Variants in CELSR3 observed in about 807,000 individuals in gnomAD.
CELSR3 encodes the protein cadherin EGF LAG seven-pass G-type receptor 3, also known as EGF-like protein 1.
A neutral mutation model predicts 270.0 loss-of-function variants in CELSR3; 73 were observed. That is an observed-to-expected ratio of 0.27 (90% CI 0.22 to 0.33). CELSR3 has a LOEUF of 0.33. Among genes scored for constraint, CELSR3 ranks in the 10% least tolerant of loss-of-function variants. CELSR3 has a pLI of 1.00. For missense variants in CELSR3, 3,614 were observed against 4,533.8 expected (o/e 0.80, Z 5.83); for synonymous variants, 1,780 against 1,905.4 (o/e 0.93, Z 1.71).
rs777269607 is a variant in CELSR3, at chr3:48,660,976, C to G, written c.1659G>C (p.Gln553His). The change falls in exon 1 of 35, where the codon CAG becomes CAC. Residue 553 changes from glutamine (Q) to histidine (H), a missense_variant. Physicochemically the swap from Gln to His is conservative, Grantham distance 24. Coordinates refer to ENST00000164024, the MANE Select transcript of CELSR3 (RefSeq NM_001407.3). This position sits in a 1 kb window ranked among gnomAD's most constrained non-coding sequence, Gnocchi z 5.5. ...TGTGGGGGCGCACATCCTCGCGCAC[C>G]TGCGCCACGTAGCGCTTCTCGCTGA... Reference protein sequence around the residue: ...PQFSEKRYVAQVREDVRPHTV... With the variant: ...PQFSEKRYVAHVREDVRPHTV... 3 of 1,613,914 alleles carry G rather than the reference C, an allele frequency of 1.9e-6. No homozygotes were observed. The highest frequency in any genetic ancestry group is 2.5e-6 in the Non-Finnish European group (3 of 1,180,040).
In CELSR3 at chr3:48,653,049, G is replaced by A. The variant is rs142348413; in HGVS notation, c.5587C>T (p.Arg1863Trp). 819 of 1,612,992 alleles carry A rather than the reference G, an allele frequency of 5.1e-4. 2 individuals are homozygous for A. Among genetic ancestry groups the A allele is most frequent in the Non-Finnish European group, 6.8e-4 (801 of 1,179,976 alleles). ...LELQEEPGGR[R>W]GHHVLMVSLD... is the part of the protein sequence containing the mutation. ...GAGACCATAAGGACATGGTGGCCCC[G>A]CCGGCCACCTGGTTCCTCCTGCAAC... Residue 1863 changes from arginine to tryptophan, a missense_variant, in exon 10 of 35, where the codon CGG becomes TGG. This residue lies in a region of CELSR3 where 1,331 missense variants were observed against 1,933.7 expected (regional missense o/e 0.69). Transcript: ENST00000164024. This position sits in a 1 kb window ranked among gnomAD's most constrained non-coding sequence, Gnocchi z 6.5.
In CELSR3 at chr3:48,660,233, C is replaced by T. The variant is rs1212788486; in HGVS notation, c.2402G>A (p.Arg801His). Reference sequence around the variant, plus strand: ...ACCCCCCTGGGTGCTGATGGCAAAGCGATTCCGGGTGTTGCCGCCTGTGAT... The same window carrying T: ...ACCCCCCTGGGTGCTGATGGCAAAGTGATTCCGGGTGTTGCCGCCTGTGAT... ...YQITGGNTRN[R>H]FAISTQGGVG... Residue 801 changes from arginine (R) to histidine (H), a missense_variant, in exon 1 of 35, where the codon CGC becomes CAC. Transcript: ENST00000164024. This position sits in a 1 kb window ranked among gnomAD's most constrained non-coding sequence, Gnocchi z 5.5. 5 of 1,613,998 alleles carry T rather than the reference C, an allele frequency of 3.1e-6. No homozygotes were observed. Among genetic ancestry groups the T allele is most frequent in the East Asian group, 2.2e-5 (1 of 44,898 alleles).
chr3:48,649,052 G>A (rs1156975811), intron 17 of CELSR3, 69 bp downstream of exon 17: 1 of 1,541,628 alleles, frequency 6.5e-7, no homozygotes, highest in African/African-American at 1.4e-5. Flanking sequence ...GGGCTAGGGT[G>A]TGGTATCTGG....
rs1238533675 is a variant in CELSR3, at chr3:48,646,169, G to A, written c.7384C>T (p.Pro2462Ser). ...RNFLRGILES[P>S]ISLEFRLLQT... The stretch of plus-strand genomic sequence containing the variant: ...AGCAGGCGAAACTCTAGGCTGATGG[G>A]GGACTCCAGGATTCCCCTTAGGAAG... The change falls in exon 22 of 35, where the codon CCC becomes TCC. Residue 2462 changes from proline to serine, a missense_variant. By Grantham distance (74) the Pro-to-Ser change is moderately conservative. Around this residue, in one of 7 missense-constraint regions of CELSR3, gnomAD observed 1,240 missense variants for 1,351.7 expected, o/e 0.92. Coordinates refer to ENST00000164024, the MANE Select transcript of CELSR3 (RefSeq NM_001407.3). The surrounding 1 kb of genome is among the most constrained non-coding windows in gnomAD (Gnocchi z 4.8). 3 of 1,612,696 alleles carry A rather than the reference G, an allele frequency of 1.9e-6. No individual in the cohort carries two copies. In the African/African-American group the frequency reaches 4.0e-5, roughly 22 times the overall value.
In CELSR3 at chr3:48,656,979, G is replaced by A. The variant is rs765601194; in HGVS notation, c.4118C>T (p.Pro1373Leu). The change falls in exon 2 of 35, where the codon CCC becomes CTC. Residue 1373 changes from proline (P) to leucine (L), a missense_variant. Coordinates refer to ENST00000164024, the MANE Select transcript of CELSR3 (RefSeq NM_001407.3). ...TCGCAGGCACACGTTGTCGTCGAAG[G>A]GCAGTACGTCGAGCAGGGAGCGAGC... is the stretch of plus-strand genomic sequence containing the variant. ...LAARSLLDVL[P>L]FDDNVCLREP... 6.2e-7 allele frequency: 1 copy of A among 1,613,154 alleles called. No homozygotes were observed. Among genetic ancestry groups the A allele is most frequent in the East Asian group, 2.2e-5 (1 of 44,846 alleles).
In CELSR3 at chr3:48,643,455, G is replaced by A. The variant is rs2047048697; in HGVS notation, c.8289+99C>T. ...CCAGCCTGGCAAAGTTATCCAGTAA[G>A]AGTCAGCTCCAGGCCTAGGGTCAAC... On this transcript the variant is annotated intron_variant, in intron 28 of 34. Coordinates refer to ENST00000164024, the MANE Select transcript of CELSR3 (RefSeq NM_001407.3). 11 of 1,441,686 alleles carry A rather than the reference G, an allele frequency of 7.6e-6. No individual in the cohort carries two copies. In the South Asian group the frequency reaches 1.5e-4, roughly 20 times the overall value. The allele number at this position is 1,441,686 out of a possible 1,614,324, so 89.3% of individuals were successfully genotyped here.
chr3:48,646,870 TGGTGGGGGGACCACACTTGA>T lies in CELSR3; in HGVS notation c.7168_7187del (p.Ser2391ProfsTer133). 1 of 1,590,676 alleles carries T rather than the reference TGGTGGGGGGACCACACTTGA, an allele frequency of 6.3e-7. No homozygotes were observed. Among genetic ancestry groups the T allele is most frequent in the Non-Finnish European group, 8.5e-7 (1 of 1,171,748 alleles). Reference sequence around the variant, plus strand: ...TCCCAGGCTCTGGCTCTGGCGGGGCTGGTGGGGGGACCACACTTGAGGTGGTGGAGTTTTCTATGCTGCTG... The same window carrying T: ...TCCCAGGCTCTGGCTCTGGCGGGGCTGGTGGTGGAGTTTTCTATGCTGCTG... On this transcript the variant is annotated frameshift_variant, in exon 21 of 35. Transcript: ENST00000164024. LOFTEE classifies it high-confidence loss of function. This position sits in a 1 kb window ranked among gnomAD's most constrained non-coding sequence, Gnocchi z 4.8.
At chr3:48,643,856 G>C in intron 27 of CELSR3, 179 bp from the exon 28 acceptor site, 1 of 699,682 alleles carries the variant, frequency 1.4e-6, no homozygotes. Flanking sequence ...AAAGAAACAG[G>C]AGAGCAGTCA....
At chr3:48,648,179 T>G (rs1238988185) in intron 19 of CELSR3, 87 bp downstream of exon 19, 1 of 1,472,572 alleles carries the variant, frequency 6.8e-7, no homozygotes. Context: ...AACATTGGCA[T>G]TGATAGCCAC....
rs2047147403 is a variant in CELSR3, at chr3:48,652,609, A to G, written c.5635-56T>C. ...GAGAGGGGCCTGATGAACCCCTGTC[A>G]TAGCCCAGAGTCAGTCTTGGCCTTC... is the stretch of plus-strand genomic sequence containing the variant. On this transcript the variant is annotated intron_variant, in intron 10 of 34. Coordinates refer to ENST00000164024, the MANE Select transcript of CELSR3 (RefSeq NM_001407.3). This position sits in a 1 kb window ranked among gnomAD's most constrained non-coding sequence, Gnocchi z 4.3. 1.5e-6 allele frequency: 2 copies of G among 1,377,554 alleles called. No individual in the cohort carries two copies. Among genetic ancestry groups the G allele is most frequent in the South Asian group, 1.3e-5 (1 of 77,058 alleles). The allele number at this position is 1,377,554 out of a possible 1,614,324, so 85.3% of individuals were successfully genotyped here. A position where few individuals can be genotyped will look rare whatever the true frequency, so the allele number is the denominator to read the frequency against.
At position 48,637,631 on chromosome 3, in the gene CELSR3, A is replaced by G. The variant is rs6773261; in HGVS notation, c.*574T>C. On this transcript the variant is annotated 3_prime_UTR_variant, in exon 35 of 35. Transcript: ENST00000164024. Reference sequence around the variant, plus strand: ...ATCCACCAGGAGGGGCGGTATGAGCAAGCCCCCATGAGGAAGTCAGAGGAC... The same window carrying G: ...ATCCACCAGGAGGGGCGGTATGAGCGAGCCCCCATGAGGAAGTCAGAGGAC... 22,467 of 155,264 alleles carry G rather than the reference A, an allele frequency of 0.14. 1,975 individuals carry two copies. The highest frequency in any genetic ancestry group is 0.25 in the African/African-American group (10,471 of 41,482). 9.6% of individuals were successfully genotyped at this position (155,264 alleles called of 1,614,324 possible). A position where few individuals can be genotyped will look rare whatever the true frequency, so the allele number is the denominator to read the frequency against.
chr3:48,653,736 A>G lies in CELSR3; in HGVS notation c.5331T>C (p.Phe1777=). Residue 1777 remains phenylalanine (F), a synonymous_variant, in exon 9 of 35, where the codon TTT becomes TTC. Transcript: ENST00000164024. This position sits in a 1 kb window ranked among gnomAD's most constrained non-coding sequence, Gnocchi z 6.5. The stretch of plus-strand genomic sequence containing the variant: ...GCACAGACACAGCCATGTCACTTCC[A>G]AAGTTCCAGCTCAGTGTGCCGTTGC... The part of the protein sequence containing the change: ...FRGNGTLSWN[F]GSDMAVSVPW... The G allele has an allele frequency of 6.2e-7, 1 of 1,614,200 alleles. No homozygotes were observed. The highest frequency in any genetic ancestry group is 8.5e-7 in the Non-Finnish European group (1 of 1,180,038).
chr3:48,642,297 G>T lies in CELSR3; in HGVS notation c.8665+61C>A. On this transcript the variant is annotated intron_variant, in intron 31 of 34. Coordinates refer to ENST00000164024, the MANE Select transcript of CELSR3 (RefSeq NM_001407.3). This position sits in a 1 kb window ranked among gnomAD's most constrained non-coding sequence, Gnocchi z 6.1. ...CCACTGCTCCCAGTATGGGGTAGAA[G>T]AAAAGGGGATGGGGAGAGATCCTCT... is the stretch of plus-strand genomic sequence containing the variant. 6.5e-7 allele frequency: 1 copy of T among 1,548,312 alleles called. No individual in the cohort carries two copies. The highest frequency in any genetic ancestry group is 8.8e-7 in the Non-Finnish European group (1 of 1,139,036).
chr3:48,653,087 T>G lies in CELSR3; in HGVS notation c.5549A>C (p.Asp1850Ala). 2 of 1,613,324 alleles carry G rather than the reference T, an allele frequency of 1.2e-6. No individual in the cohort carries two copies. Among genetic ancestry groups the G allele is most frequent in the Non-Finnish European group, 1.7e-6 (2 of 1,180,006 alleles). Residue 1850 changes from aspartate to alanine, a missense_variant, in exon 10 of 35, where the codon GAT becomes GCT. Asp to Ala is a moderately radical substitution (Grantham distance 126). Coordinates refer to ENST00000164024, the MANE Select transcript of CELSR3 (RefSeq NM_001407.3). The surrounding 1 kb of genome is among the most constrained non-coding windows in gnomAD (Gnocchi z 6.5). ...QVTVSDGRWH[D>A]LRLELQEEPG... ...TTCCTCCTGCAACTCCAGCCGCAGATCGTGCCACCGGCCATCACTGACAGT... is the reference window on the plus strand; with the variant it reads ...TTCCTCCTGCAACTCCAGCCGCAGAGCGTGCCACCGGCCATCACTGACAGT...
Position 48,653,720 on chromosome 3 carries a change from C to T in CELSR3, c.5347G>A (p.Val1783Met). Residue 1783 changes from valine to methionine, a missense_variant, in exon 9 of 35, where the codon GTG becomes ATG. Val to Met is a conservative substitution (Grantham distance 21). Coordinates refer to ENST00000164024, the MANE Select transcript of CELSR3 (RefSeq NM_001407.3). This position sits in a 1 kb window ranked among gnomAD's most constrained non-coding sequence, Gnocchi z 6.5. ...AGCCCCAGGTACCATGGCACAGACACAGCCATGTCACTTCCAAAGTTCCAG... is the reference window on the plus strand; with the variant it reads ...AGCCCCAGGTACCATGGCACAGACATAGCCATGTCACTTCCAAAGTTCCAG... Reference protein sequence around the residue: ...LSWNFGSDMAVSVPWYLGLAF... With the variant: ...LSWNFGSDMAMSVPWYLGLAF... The T allele has an allele frequency of 6.2e-7, 1 of 1,614,216 alleles. No individual in the cohort carries two copies. The highest frequency in any genetic ancestry group is 8.5e-7 in the Non-Finnish European group (1 of 1,180,046).
At position 48,650,768 on chromosome 3, in the gene CELSR3, G is replaced by A. The variant is rs549099154; in HGVS notation, c.6370+124C>T. On this transcript the variant is annotated intron_variant, in intron 15 of 34. Coordinates refer to ENST00000164024, the MANE Select transcript of CELSR3 (RefSeq NM_001407.3). The surrounding 1 kb of genome is among the most constrained non-coding windows in gnomAD (Gnocchi z 5.1). ...TTGGGGCAAAGGTAGGGTTCCCTGG[G>A]TGTAAGTGGTCTCCCTCAGGAGAAG... 1.2e-4 allele frequency: 144 copies of A among 1,165,272 alleles called. No homozygotes were observed. In the African/African-American group the frequency reaches 2.1e-3, roughly 17 times the overall value. The allele number at this position is 1,165,272 out of a possible 1,614,324, so 72.2% of individuals were successfully genotyped here. A position where few individuals can be genotyped will look rare whatever the true frequency, so the allele number is the denominator to read the frequency against.
rs755589290 is a variant in CELSR3, at chr3:48,640,199, T to C, written c.9386A>G (p.Asp3129Gly). The change falls in exon 34 of 35, where the codon GAC becomes GGC. Residue 3129 changes from aspartate to glycine, a missense_variant. Around this residue, in one of 7 missense-constraint regions of CELSR3, gnomAD observed 1,240 missense variants for 1,351.7 expected, o/e 0.92. Coordinates refer to ENST00000164024, the MANE Select transcript of CELSR3 (RefSeq NM_001407.3). This position sits in a 1 kb window ranked among gnomAD's most constrained non-coding sequence, Gnocchi z 7.5. Reference protein sequence around the residue: ...STLPRRQPPRDYPGAMAGRFG... With the variant: ...STLPRRQPPRGYPGAMAGRFG... ...GCGGCCAGCCATGGCGCCAGGGTAG[T>C]CCCGAGGTGGCTGCCTCCGTGGCAG... 50 of 1,612,622 alleles carry C rather than the reference T, an allele frequency of 3.1e-5. No individual in the cohort carries two copies. The highest frequency in any genetic ancestry group is 5.9e-6 in the Non-Finnish European group (7 of 1,179,940).
At chr3:48,649,300 G>T in intron 16 of CELSR3, 85 bp from the exon 17 acceptor site, 1 of 1,115,544 alleles carries the variant, frequency 9.0e-7, no homozygotes, top group Non-Finnish European at 1.3e-6. Flanking sequence ...CTATGCTGGG[G>T]GAATCCCTGA....
At position 48,640,738 on chromosome 3, in the gene CELSR3, G is replaced by A; in HGVS notation, c.9026-179C>T. On this transcript the variant is annotated intron_variant, in intron 33 of 34. Coordinates refer to ENST00000164024, the MANE Select transcript of CELSR3 (RefSeq NM_001407.3). The surrounding 1 kb of genome is among the most constrained non-coding windows in gnomAD (Gnocchi z 7.5). Reference sequence around the variant, plus strand: ...GTCCCAGAGAGGCAGCAGGACAGGGGTCAGAGTGGAAGGGCAGTCATCTTC... The same window carrying A: ...GTCCCAGAGAGGCAGCAGGACAGGGATCAGAGTGGAAGGGCAGTCATCTTC... 1 of 646,664 alleles carries A rather than the reference G, an allele frequency of 1.5e-6. No homozygotes were observed. Among genetic ancestry groups the A allele is most frequent in the South Asian group, 2.0e-5 (1 of 49,118 alleles). 40.1% of individuals were successfully genotyped at this position (646,664 alleles called of 1,614,324 possible). A position where few individuals can be genotyped will look rare whatever the true frequency, so the allele number is the denominator to read the frequency against.
Sources: allele counts gnomAD v4.1 joint callset, GRCh38; gene constraint gnomAD v4.1.1; regional missense constraint gnomAD v4.1.1; non-coding constraint Gnocchi (gnomAD v3.1); transcripts MANE v1.5; gene names NCBI Gene and HGNC (gene_info 2026-07-23, HGNC 2026-07-21).